The following XRN2 variants were observed in gnomAD, a reference collection of about 807,000 sequenced individuals.
The protein encoded by XRN2 is DHM1-like protein.
A neutral mutation model predicts 138.5 loss-of-function variants in XRN2; 44 were observed. The observed-to-expected ratio is 0.32, with a 90% confidence interval of 0.25 to 0.41. XRN2 has a LOEUF of 0.41. Ranked by LOEUF, XRN2 falls within the 10% of genes least tolerant of loss-of-function variation. The pLI is 1.00. For missense variants in XRN2, 937 were observed against 1,169.3 expected, an observed-to-expected ratio of 0.80 and a Z score of 2.90; for synonymous variants, 354 against 369.4, an observed-to-expected ratio of 0.96 and a Z score of 0.48.
chr20:21,359,495 C>T (rs1367703860), intron 24 of XRN2, among the ~76,000 whole-genome samples: 2 of 150,258 alleles, frequency 1.3e-5, no homozygotes, highest in African/African-American at 2.5e-5. Flanking sequence ...AAGATCACAC[C>T]ACTTGGGCAA....
At chr20:21,316,236 A>G (rs148944257) in intron 1 of XRN2, among the ~76,000 whole-genome samples, 5 of 152,334 alleles carry the variant, frequency 3.3e-5, no homozygotes, top group African/African-American at 1.2e-4. Context: ...CCTGGGCAAC[A>G]AGAGCAAAAC....
intron 1 of XRN2, among the ~76,000 whole-genome samples, chr20:21,308,493 A>T (rs1426990402): frequency 6.6e-6 from 1 of 152,148 alleles, no homozygotes; most frequent in Non-Finnish European, 1.5e-5. Flanking sequence ...TCAGGGTTCC[A>T]GTTGCTCAAC....
At chr20:21,359,518 C>T (rs2038612991) in intron 24 of XRN2, among the ~76,000 whole-genome samples, 1 of 148,872 alleles carries the variant, frequency 6.7e-6, no homozygotes, top group Non-Finnish European at 1.5e-5. Flanking sequence ...GAGCAAGACT[C>T]CATCTCAAAA....
chr20:21,368,418 A>G (rs751557930), intron 26 of XRN2, 45 bp from the exon 27 acceptor site: 8 of 1,610,138 alleles, frequency 5.0e-6, no homozygotes, highest in Non-Finnish European at 6.8e-6. Flanking sequence ...TATGATGGGT[A>G]TATCACTATA....
intron 24 of XRN2, among the ~76,000 whole-genome samples, chr20:21,361,009 A>T (rs752832669): frequency 1.3e-5 from 2 of 152,222 alleles, no homozygotes; most frequent in African/African-American, 2.4e-5. Context: ...GTTGTGTAAA[A>T]ATGAAACTTG....
At position 21,357,678 on chromosome 20, in the gene XRN2, C is replaced by T; in HGVS notation, c.2199-58C>T. 5.1e-6 allele frequency: 7 copies of T among 1,379,434 alleles called. No homozygotes were observed. The South Asian group carries it at 6.1e-5, about 12-fold the overall frequency. The allele number at this position is 1,379,434 out of a possible 1,614,324, so 85.4% of individuals were successfully genotyped here. On this transcript the variant is annotated intron_variant, in intron 23 of 29. Transcript: ENST00000377191. ...AACAAACATAGCAACATCTTATTTC[C>T]ACTTACCTAAAAGGTTACAGTTTAC...
chr20:21,362,403 T>G (rs538003667), intron 24 of XRN2, among the ~76,000 whole-genome samples: 1 of 152,148 alleles, frequency 6.6e-6, no homozygotes, highest in Non-Finnish European at 1.5e-5. Context: ...TTTCAGGTCT[T>G]TCTGTGCATG....
intron 27 of XRN2, among the ~76,000 whole-genome samples, chr20:21,377,561 G>GTTT (rs5840914): frequency 3.9e-4 from 57 of 147,880 alleles, no homozygotes; most frequent in East Asian, 1.8e-3. Flanking sequence ...TCCGGCCTGT[G>GTTT]TTTTTTTTTT....
intron 27 of XRN2, among the ~76,000 whole-genome samples, chr20:21,371,835 T>C (rs1397602486): frequency 6.6e-6 from 1 of 152,254 alleles, no homozygotes; most frequent in Non-Finnish European, 1.5e-5. Flanking sequence ...TTCATGCCCT[T>C]AGGGGCCTAC....
chr20:21,375,485 T>C (rs2038810328), intron 27 of XRN2, among the ~76,000 whole-genome samples: 1 of 152,082 alleles, frequency 6.6e-6, no homozygotes, highest in African/African-American at 2.4e-5. Flanking sequence ...CCACAAAGTT[T>C]GGTCTCACAT....
At chr20:21,376,100 AG>A (rs1212822085) in intron 27 of XRN2, among the ~76,000 whole-genome samples, 1 of 152,152 alleles carries the variant, frequency 6.6e-6, no homozygotes. Flanking sequence ...GGCCTCCCAA[AG>A]TGCTGGGATT....
chr20:21,372,526 G>A (rs906366798), intron 27 of XRN2, among the ~76,000 whole-genome samples: 4 of 151,964 alleles, frequency 2.6e-5, no homozygotes, highest in Admixed American at 1.3e-4. Context: ...CATGTTAATT[G>A]AATAAAATGT....
rs543648186 is a variant in XRN2, at chr20:21,384,049, CT to C, written c.2648+2000del. Among the ~76,000 whole-genome samples, 7 of 152,112 alleles carry C rather than the reference CT, an allele frequency of 4.6e-5. No individual in the cohort carries two copies. The East Asian group carries it at 9.6e-4, about 21-fold the overall frequency. On this transcript the variant is annotated intron_variant, in intron 28 of 29. Coordinates refer to ENST00000377191, the MANE Select transcript of XRN2 (RefSeq NM_012255.5). ...ATCCTATTAAGAGAATTTTGAGTGT[CT>C]TTTTTTTATTACATTGCATTTCTTG...
rs754039201 is a variant in XRN2 at position 21,348,256 on chromosome 20, A to G, written c.1773+3A>G. 1 of 1,613,348 alleles carries G rather than the reference A, an allele frequency of 6.2e-7. No individual in the cohort carries two copies. The highest frequency in any genetic ancestry group is 1.7e-5 in the Admixed American group (1 of 59,860). ...ATTTTGAGAAGGGTACGAAACCGGT[A>G]AGCTTAATTACTTAAAGTCATAAAG... On this transcript the variant is annotated splice_donor_region_variant and intron_variant, in intron 18 of 29. Coordinates refer to ENST00000377191, the MANE Select transcript of XRN2 (RefSeq NM_012255.5).
In XRN2 at chr20:21,326,521, G is replaced by A; in HGVS notation, c.235G>A (p.Val79Ile). The A allele has an allele frequency of 6.2e-7, 1 of 1,614,030 alleles. No homozygotes were observed. The highest frequency in any genetic ancestry group is 1.7e-4 in the Middle Eastern group (1 of 6,060). Reference protein sequence around the residue: ...PAPKNEDEMMVAIFEYIDRLF... With the variant: ...PAPKNEDEMMIAIFEYIDRLF... Reference sequence around the variant, plus strand: ...ACCAAAAAATGAAGATGAAATGATGGTTGCAATTTTTGAGTACATTGACAG... The same window carrying A: ...ACCAAAAAATGAAGATGAAATGATGATTGCAATTTTTGAGTACATTGACAG... Residue 79 changes from valine (V) to isoleucine (I), a missense_variant, in exon 3 of 30, where the codon GTT (valine) becomes ATT (isoleucine). Physicochemically the swap from Val to Ile is conservative, Grantham distance 29. Around this residue, in one of 6 missense-constraint regions of XRN2, gnomAD observed 51 missense variants for 93.5 expected, o/e 0.55. Transcript: ENST00000377191.
chr20:21,319,537 A>G (rs2038008987), intron 1 of XRN2, among the ~76,000 whole-genome samples: 1 of 152,080 alleles, frequency 6.6e-6, no homozygotes, highest in South Asian at 2.1e-4. Context: ...GCCAGTTACT[A>G]GAAGGATTCT....
chr20:21,314,337 T>C (rs1333106182), intron 1 of XRN2, among the ~76,000 whole-genome samples: 2 of 152,252 alleles, frequency 1.3e-5, no homozygotes, highest in African/African-American at 4.8e-5. Context: ...CATTTGTCTG[T>C]TGATAAACAT....
chr20:21,349,999 C>T (rs1029146325), intron 20 of XRN2, among the ~76,000 whole-genome samples: 4 of 152,148 alleles, frequency 2.6e-5, no homozygotes, highest in African/African-American at 4.8e-5. Flanking sequence ...CTGAGAAATA[C>T]AGAAACACAG....
intron 24 of XRN2, among the ~76,000 whole-genome samples, chr20:21,363,738 A>G (rs1258397417): frequency 2.0e-5 from 3 of 152,222 alleles, no homozygotes; most frequent in Non-Finnish European, 2.9e-5. Context: ...AAAAATGTCA[A>G]CCAGGTCAAT....
Sources: allele counts gnomAD v4.1 joint callset (sites outside exome capture counted in the v4.1 genomes callset), GRCh38; gene constraint gnomAD v4.1.1; regional missense constraint gnomAD v4.1.1; transcripts MANE v1.5; gene names NCBI Gene and HGNC (gene_info 2026-07-23, HGNC 2026-07-21).